Variants in MYB observed in about 807,000 individuals in gnomAD.
The protein encoded by MYB is MYB proto-oncogene, transcription factor.
Under a neutral mutation model 92.9 loss-of-function variants are expected in MYB, and 28 were observed. The ratio of observed to expected loss-of-function variants is 0.30; its 90% CI spans 0.22 to 0.41. MYB has a LOEUF of 0.41. Among genes scored for constraint, MYB ranks in the 10% least tolerant of loss-of-function variants. MYB has a pLI of 1.00. For synonymous variants in MYB, 295 were observed against 329.1 expected, an observed-to-expected ratio of 0.90 and a Z score of 1.12; for missense variants, 679 against 929.3, an observed-to-expected ratio of 0.73 and a Z score of 3.50.
chr6:135,201,730 C>G lies in MYB; in HGVS notation c.2042C>G (p.Ser681Trp). The G allele has an allele frequency of 6.6e-7, 1 of 1,506,468 alleles. No individual in the cohort carries two copies. Among genetic ancestry groups the G allele is most frequent in the Non-Finnish European group, 9.0e-7 (1 of 1,117,296 alleles). 93.3% of individuals were successfully genotyped at this position (1,506,468 alleles called of 1,614,324 possible). A position where few individuals can be genotyped will look rare whatever the true frequency, so the allele number is the denominator to read the frequency against. Reference sequence around the variant, plus strand: ...AATACCCAACTGTTCACGCAGACCTCGCCTGTGGCAGATGCACCGGTAAGT... The same window carrying G: ...AATACCCAACTGTTCACGCAGACCTGGCCTGTGGCAGATGCACCGGTAAGT... ...SLNTQLFTQT[S>W]PVADAPNILT... The change falls in exon 14 of 16, where the codon TCG (serine) becomes TGG (tryptophan). Residue 681 changes from serine (S) to tryptophan (W), a missense_variant. Physicochemically the swap from Ser to Trp is radical, Grantham distance 177. Coordinates refer to ENST00000341911, the MANE Select transcript of MYB (RefSeq NM_001130173.2).
chr6:135,211,716 G>T (rs1208329127), intron 15 of MYB, among the ~76,000 whole-genome samples: 1 of 152,190 alleles, frequency 6.6e-6, no homozygotes, highest in Non-Finnish European at 1.5e-5. Flanking sequence ...CTCCAAATTT[G>T]GGAAAGGTCC....
At chr6:135,203,650 A>G (rs572044726) in intron 15 of MYB, 18 of 1,242,634 alleles carry the variant, frequency 1.4e-5, no homozygotes, top group South Asian at 6.9e-5. Flanking sequence ...CAAATGTTTT[A>G]TAAAAATATA....
chr6:135,187,571 C>T (rs1427365497), intron 2 of MYB, among the ~76,000 whole-genome samples: 3 of 152,116 alleles, frequency 2.0e-5, no homozygotes, highest in African/African-American at 7.2e-5. Flanking sequence ...TGTTAATTTC[C>T]ATTTTATAGA....
chr6:135,197,064 G>C lies in MYB; in HGVS notation c.1307G>C (p.Arg436Thr). ...GGCAAAGCCCTACAGCTTCAGCAAA[G>C]AGAGGGCAATGGGACTAAACCTGCA... is the stretch of plus-strand genomic sequence containing the variant. ...HTGKALQLQQ[R>T]EGNGTKPAGE... The change falls in exon 10 of 16, where the codon AGA becomes ACA. Residue 436 changes from arginine to threonine, a missense_variant. This residue lies in a region of MYB where 402 missense variants were observed against 434.2 expected (regional missense o/e 0.93). Coordinates refer to ENST00000341911, the MANE Select transcript of MYB (RefSeq NM_001130173.2). The C allele has an allele frequency of 6.2e-7, 1 of 1,614,022 alleles. No individual in the cohort carries two copies. Among genetic ancestry groups the C allele is most frequent in the Admixed American group, 1.7e-5 (1 of 60,022 alleles).
At chr6:135,200,552 G>A (rs767437585) in intron 13 of MYB, 137 bp downstream of exon 13, 7 of 1,280,380 alleles carry the variant, frequency 5.5e-6, no homozygotes, top group Admixed American at 1.7e-5. Flanking sequence ...AAGGTGCAGC[G>A]AAAAGGTACT....
intron 15 of MYB, among the ~76,000 whole-genome samples, chr6:135,216,320 A>T (rs1780428166): frequency 6.6e-6 from 1 of 151,988 alleles, no homozygotes; most frequent in African/African-American, 2.4e-5. Context: ...TTACCATATA[A>T]TTTTTTTTAT....
At chr6:135,208,567 G>C (rs1363420612) in intron 15 of MYB, among the ~76,000 whole-genome samples, 2 of 141,224 alleles carry the variant, frequency 1.4e-5, no homozygotes, top group African/African-American at 2.7e-5. Context: ...TTTTTTTAGA[G>C]ATGGGGTCTC....
At chr6:135,200,528 C>T (rs773325541) in intron 13 of MYB, 113 bp downstream of exon 13, 2 of 1,471,510 alleles carry the variant, frequency 1.4e-6, no homozygotes, top group Non-Finnish European at 1.9e-6. Context: ...ACTTTTCGTG[C>T]AAGATTTTCA....
At chr6:135,206,834 A>C (rs1490931613) in intron 15 of MYB, among the ~76,000 whole-genome samples, 2 of 152,086 alleles carry the variant, frequency 1.3e-5, no homozygotes, top group African/African-American at 4.8e-5. Context: ...TTATACACCA[A>C]GTATCTCCTT....
intron 3 of MYB, among the ~76,000 whole-genome samples, chr6:135,189,261 T>C (rs1389263218): frequency 6.6e-6 from 1 of 152,228 alleles, no homozygotes; most frequent in African/African-American, 2.4e-5. Context: ...GCATCTGTGA[T>C]AGTCAGTCAT....
At position 135,182,586 on chromosome 6, in the gene MYB, T is replaced by C. The variant is rs1028197374; in HGVS notation, c.23+1050T>C. Among the ~76,000 whole-genome samples the C allele has an allele frequency of 7.2e-5, 11 of 152,174 alleles. No homozygotes were observed. The highest frequency in any genetic ancestry group is 1.3e-4 in the Non-Finnish European group (9 of 68,018). ...TGGATGCGGCTGAGGTCGCCGCGCCTTCTCGCACCCTCCTTCAGCCGCCTT... is the reference window on the plus strand; with the variant it reads ...TGGATGCGGCTGAGGTCGCCGCGCCCTCTCGCACCCTCCTTCAGCCGCCTT... On this transcript the variant is annotated intron_variant, in intron 1 of 15. Coordinates refer to ENST00000341911, the MANE Select transcript of MYB (RefSeq NM_001130173.2). This position sits in a 1 kb window ranked among gnomAD's most constrained non-coding sequence, Gnocchi z 5.6.
intron 13 of MYB, 58 bp downstream of exon 13, chr6:135,200,473 G>T (rs1777901278): frequency 1.2e-6 from 2 of 1,608,690 alleles, no homozygotes; most frequent in Non-Finnish European, 1.7e-6. Flanking sequence ...TTTATTCCTT[G>T]TGTGCAGCTT....
At chr6:135,212,746 A>G (rs1169952089) in intron 15 of MYB, among the ~76,000 whole-genome samples, 1 of 152,258 alleles carries the variant, frequency 6.6e-6, no homozygotes, top group Non-Finnish European at 1.5e-5. Flanking sequence ...GCAGAAACCC[A>G]TAATTCTCAG....
chr6:135,188,833 C>T (rs763402673), intron 3 of MYB, among the ~76,000 whole-genome samples: 1 of 152,114 alleles, frequency 6.6e-6, no homozygotes, highest in African/African-American at 2.4e-5. Context: ...TCCATTCATC[C>T]CAAACACCAT....
chr6:135,181,543 G>C lies in MYB; in HGVS notation c.23+7G>C. 1 of 1,166,594 alleles carries C rather than the reference G, an allele frequency of 8.6e-7. No homozygotes were observed. The highest frequency in any genetic ancestry group is 3.3e-4 in the Middle Eastern group (1 of 3,018). 72.3% of individuals were successfully genotyped at this position (1,166,594 alleles called of 1,614,324 possible). ...CCCGAAGACCCCGGCACAGGTAACG[G>C]GGAGCCGGGCGGGCGGCCGAGGGCG... On this transcript the variant is annotated splice_region_variant and intron_variant, in intron 1 of 15. Transcript: ENST00000341911. This position sits in a 1 kb window ranked among gnomAD's most constrained non-coding sequence, Gnocchi z 5.3.
chr6:135,209,463 A>T (rs1275302897), intron 15 of MYB, among the ~76,000 whole-genome samples: 1 of 152,048 alleles, frequency 6.6e-6, no homozygotes, highest in Non-Finnish European at 1.5e-5. Context: ...CAAACTCCCA[A>T]CCTCAGGTGA....
intron 8 of MYB, chr6:135,195,355 C>A: frequency 8.3e-5 from 13 of 155,862 alleles, no homozygotes; most frequent in South Asian, 3.6e-4. Flanking sequence ...CTCCTGAGTC[C>A]TCTAGCTTTT....
intron 14 of MYB, chr6:135,202,752 C>A: frequency 2.8e-6 from 1 of 351,286 alleles, no homozygotes; most frequent in Non-Finnish European, 5.6e-6. Context: ...GATTGTATAC[C>A]TAATAAGGGA....
chr6:135,199,136 C>T, intron 11 of MYB, 86 bp downstream of exon 11: 1 of 1,088,736 alleles, frequency 9.2e-7, no homozygotes, highest in Non-Finnish European at 1.3e-6. Flanking sequence ...GTCTGATCCA[C>T]TTGTATGTGC....
Sources: allele counts gnomAD v4.1 joint callset (sites outside exome capture counted in the v4.1 genomes callset), GRCh38; gene constraint gnomAD v4.1.1; regional missense constraint gnomAD v4.1.1; non-coding constraint Gnocchi (gnomAD v3.1); transcripts MANE v1.5; gene names NCBI Gene and HGNC (gene_info 2026-07-23, HGNC 2026-07-21).